The following TACR3 variants were observed in gnomAD, a reference collection of about 807,000 sequenced individuals.
The protein encoded by TACR3 is neuromedin-K receptor.
TACR3 carries 34 observed loss-of-function variants against 35.0 expected under a neutral mutation model. The ratio of observed to expected loss-of-function variants is 0.97; its 90% CI spans 0.74 to 1.30. TACR3 has a LOEUF of 1.30. TACR3 is among the 50% of genes most tolerant of loss of function. The pLI, the probability that TACR3 is intolerant of heterozygous loss-of-function variation, is 0.00. For missense variants in TACR3, 558 were observed against 591.7 expected, an observed-to-expected ratio of 0.94 and a Z score of 0.59; for synonymous variants, 233 against 221.1, an observed-to-expected ratio of 1.05 and a Z score of -0.48.
intron 3 of TACR3, among the ~76,000 whole-genome samples, chr4:103,616,964 T>C (rs4698903): frequency 1.3e-5 from 2 of 151,758 alleles, no homozygotes; most frequent in Non-Finnish European, 2.9e-5. Flanking sequence ...ATATTAAATT[T>C]AAAAGAATTA....
chr4:103,606,244 G>A (rs998569505), intron 3 of TACR3, among the ~76,000 whole-genome samples: 3 of 151,884 alleles, frequency 2.0e-5, no homozygotes, highest in Non-Finnish European at 2.9e-5. Context: ...AGTATAGTTT[G>A]AAGTCAGGTA....
At chr4:103,621,413 T>C (rs538064298) in intron 3 of TACR3, among the ~76,000 whole-genome samples, 1 of 152,316 alleles carries the variant, frequency 6.6e-6, no homozygotes, top group African/African-American at 2.4e-5. Flanking sequence ...AGAATTTTAA[T>C]AAGGGTATTC....
chr4:103,655,464 G>C (rs1725713153), intron 3 of TACR3, among the ~76,000 whole-genome samples: 1 of 152,058 alleles, frequency 6.6e-6, no homozygotes, highest in Admixed American at 6.6e-5. Flanking sequence ...AGGATGGAAT[G>C]TGTTTCCTTT....
At chr4:103,596,978 C>T (rs1331263384) in intron 3 of TACR3, among the ~76,000 whole-genome samples, 3 of 151,846 alleles carry the variant, frequency 2.0e-5, no homozygotes, top group East Asian at 1.9e-4. Context: ...ATATGTGCCA[C>T]ATTTTCTTAA....
chr4:103,591,153 G>C (rs1181225086), intron 4 of TACR3: 5 of 326,234 alleles, frequency 1.5e-5, no homozygotes, highest in African/African-American at 8.6e-5. Context: ...TTGAGGATTT[G>C]AGCATATTTT....
chr4:103,600,327 C>T (rs1359888438), intron 3 of TACR3, among the ~76,000 whole-genome samples: 2 of 151,986 alleles, frequency 1.3e-5, no homozygotes, highest in Non-Finnish European at 2.9e-5. Context: ...TTTATTGGGT[C>T]TATTTGATTC....
chr4:103,597,414 A>G (rs999508280), intron 3 of TACR3, among the ~76,000 whole-genome samples: 1 of 152,128 alleles, frequency 6.6e-6, no homozygotes, highest in Non-Finnish European at 1.5e-5. Context: ...AAAAAACAAA[A>G]CACAACAAAA....
chr4:103,591,680 C>T lies in TACR3; in HGVS notation c.892G>A (p.Val298Ile), dbSNP rs376656496. 1.6e-5 allele frequency: 25 copies of T among 1,611,090 alleles called. No homozygotes were observed. Among genetic ancestry groups the T allele is most frequent in the Non-Finnish European group, 2.0e-5 (24 of 1,178,810 alleles). Residue 298 changes from valine to isoleucine, a missense_variant, in exon 4 of 5, where the codon GTC (valine) becomes ATC (isoleucine). By Grantham distance (29) the Val-to-Ile change is conservative. Transcript: ENST00000304883. ...ATGACAACAATAATCATCATTTTGA[C>T]AACCTATAAAGAAAAAAAGTCATTT... ...HEQLKAKRKV[V>I]KMMIIVVMTF... is the part of the protein sequence containing the mutation.
At chr4:103,608,579 T>C (rs564786840) in intron 3 of TACR3, among the ~76,000 whole-genome samples, 54 of 152,166 alleles carry the variant, frequency 3.5e-4, no homozygotes, top group African/African-American at 1.3e-3. Context: ...GATGTTTTCA[T>C]TGGTTATAAT....
intron 3 of TACR3, among the ~76,000 whole-genome samples, chr4:103,596,237 A>G (rs1724013395): frequency 1.3e-5 from 2 of 152,098 alleles, no homozygotes; most frequent in South Asian, 4.2e-4. Context: ...TTATAGCAGC[A>G]TAATTTATAA....
At chr4:103,656,647 T>C (rs1725740168) in intron 2 of TACR3, among the ~76,000 whole-genome samples, 1 of 152,076 alleles carries the variant, frequency 6.6e-6, no homozygotes, top group Non-Finnish European at 1.5e-5. Flanking sequence ...TTTCCACTGC[T>C]ATGTACTCTG....
chr4:103,651,534 T>C (rs1221523849), intron 3 of TACR3, among the ~76,000 whole-genome samples: 1 of 151,576 alleles, frequency 6.6e-6, no homozygotes, highest in Non-Finnish European at 1.5e-5. Context: ...TGTCCAAGTG[T>C]CAAGGTCTGT....
chr4:103,596,971 T>C (rs1724042548), intron 3 of TACR3, among the ~76,000 whole-genome samples: 1 of 151,948 alleles, frequency 6.6e-6, no homozygotes, highest in Non-Finnish European at 1.5e-5. Context: ...ATGGTGTATA[T>C]GTGCCACATT....
At position 103,719,816 on chromosome 4, in the gene TACR3, T is replaced by G; in HGVS notation, c.-141A>C. ...GACTGGAAGCTGAAAGATACTGCAA[T>G]CCCTGCTGGTTAGGGGATGCAGCTG... is the stretch of plus-strand genomic sequence containing the variant. On this transcript the variant is annotated 5_prime_UTR_variant, in exon 1 of 5. Transcript: ENST00000304883. The G allele has an allele frequency of 9.0e-7, 1 of 1,110,034 alleles. No individual in the cohort carries two copies. The highest frequency in any genetic ancestry group is 1.4e-5 in the South Asian group (1 of 71,192). The allele number at this position is 1,110,034 out of a possible 1,614,324, so 68.8% of individuals were successfully genotyped here.
intron 1 of TACR3, among the ~76,000 whole-genome samples, chr4:103,712,456 C>G (rs1472483318): frequency 6.6e-6 from 1 of 152,118 alleles, no homozygotes; most frequent in Non-Finnish European, 1.5e-5. Flanking sequence ...TTCCTTACAC[C>G]TTATACAAAA....
intron 3 of TACR3, among the ~76,000 whole-genome samples, chr4:103,613,775 G>C (rs1369782900): frequency 6.6e-6 from 1 of 152,170 alleles, no homozygotes; most frequent in Non-Finnish European, 1.5e-5. Context: ...TGCCAGCATG[G>C]TTACATTTTG....
At chr4:103,593,664 C>A (rs1475638888) in intron 3 of TACR3, among the ~76,000 whole-genome samples, 1 of 152,156 alleles carries the variant, frequency 6.6e-6, no homozygotes, top group East Asian at 1.9e-4. Flanking sequence ...GCTCCTCCCT[C>A]TACCTAGAAC....
At position 103,599,624 on chromosome 4, in the gene TACR3, G is replaced by A. The variant is rs11736315; in HGVS notation, c.889-7941C>T. Among the ~76,000 whole-genome samples, 207 of 152,214 alleles carry A rather than the reference G, an allele frequency of 1.4e-3. 1 individual carries two copies. The highest frequency in any genetic ancestry group is 4.7e-3 in the African/African-American group (194 of 41,524). ...GATAGCTCTTATTATTTTGAGATACGTCCCATCAATACCTAATTTATTGAG... is the reference window on the plus strand; with the variant it reads ...GATAGCTCTTATTATTTTGAGATACATCCCATCAATACCTAATTTATTGAG... On this transcript the variant is annotated intron_variant, in intron 3 of 4. Coordinates refer to ENST00000304883, the MANE Select transcript of TACR3 (RefSeq NM_001059.3).
At chr4:103,601,324 G>T (rs1724195413) in intron 3 of TACR3, among the ~76,000 whole-genome samples, 1 of 151,310 alleles carries the variant, frequency 6.6e-6, no homozygotes, top group African/African-American at 2.5e-5. Flanking sequence ...ACACTGATGG[G>T]TCTTGACGCT....
Sources: gnomAD v4.1 joint callset for allele counts (sites outside exome capture counted in the v4.1 genomes callset) on GRCh38, gnomAD v4.1.1 for gene constraint, MANE v1.5 for transcripts, NCBI Gene and HGNC (gene_info 2026-07-23, HGNC 2026-07-21) for gene names.